Variants in UST observed in about 807,000 individuals in gnomAD.
UST encodes the protein uronyl 2-sulfotransferase.
A neutral mutation model predicts 45.6 loss-of-function variants in UST; 21 were observed. The ratio of observed to expected loss-of-function variants is 0.46; its 90% CI spans 0.33 to 0.66. The LOEUF (loss-of-function observed/expected upper bound fraction) is 0.66. UST is among the 30% of genes least tolerant of loss of function. UST has a pLI of 0.02. For missense variants in UST, 463 were observed against 512.4 expected, an observed-to-expected ratio of 0.90 and a Z score of 0.93; for synonymous variants, 215 against 200.6, an observed-to-expected ratio of 1.07 and a Z score of -0.61.
chr6:148,922,552 G>A (rs1483270660), intron 2 of UST, among the ~76,000 whole-genome samples: 3 of 146,926 alleles, frequency 2.0e-5, no homozygotes, highest in Non-Finnish European at 3.0e-5. Flanking sequence ...GCAGTGGCAC[G>A]ATCTCAGCTC....
chr6:148,829,676 C>T (rs1369155957), intron 1 of UST, among the ~76,000 whole-genome samples: 1 of 152,086 alleles, frequency 6.6e-6, no homozygotes, highest in Non-Finnish European at 1.5e-5. Context: ...TATTTTTACC[C>T]TCGGTTTGTT....
intron 3 of UST, among the ~76,000 whole-genome samples, chr6:148,948,653 CT>C (rs1347506121): frequency 6.6e-6 from 1 of 152,078 alleles, no homozygotes; most frequent in Non-Finnish European, 1.5e-5. Context: ...CATTTTAAAG[CT>C]TTTATTTTTG....
Position 148,964,542 on chromosome 6 carries a change from G to A in UST, c.660G>A (p.Met220Ile), listed in dbSNP as rs1780740688. The stretch of plus-strand genomic sequence containing the variant: ...ATCACATGATCCGCACCCCCAGCAT[G>A]AGGCAGGAGGAGCGCTACCTGGTAA... ...EQNHMIRTPSMRQEERYLDIN... is the reference protein window; with the variant it reads ...EQNHMIRTPSIRQEERYLDIN... The change falls in exon 5 of 8, where the codon ATG (methionine) becomes ATA (isoleucine). Residue 220 changes from methionine (M) to isoleucine (I), a missense_variant. Around this residue, in one of 2 missense-constraint regions of UST, gnomAD observed 287 missense variants for 374.2 expected, o/e 0.77. Transcript: ENST00000367463. 6 of 1,613,770 alleles carry A rather than the reference G, an allele frequency of 3.7e-6. No homozygotes were observed. Among genetic ancestry groups the A allele is most frequent in the South Asian group, 3.3e-5 (3 of 91,074 alleles).
intron 1 of UST, among the ~76,000 whole-genome samples, chr6:148,809,324 T>G (rs966511288): frequency 3.0e-4 from 46 of 151,722 alleles, no homozygotes; most frequent in Non-Finnish European, 5.3e-4. Flanking sequence ...GTTTTTTGTT[T>G]TTTTTTTTTT....
intron 1 of UST, among the ~76,000 whole-genome samples, chr6:148,764,305 G>A (rs78217176): frequency 0.32 from 48,907 of 151,966 alleles, 8,015 homozygotes; most frequent in African/African-American, 0.35. Flanking sequence ...AACATTATTG[G>A]TGTATAGAAA....
At chr6:148,815,215 G>T (rs1216325849) in intron 1 of UST, among the ~76,000 whole-genome samples, 2 of 152,202 alleles carry the variant, frequency 1.3e-5, no homozygotes, top group East Asian at 1.9e-4. Context: ...GAATATGCTT[G>T]TTTGCTTAAA....
chr6:148,972,674 C>A (rs1780940957), intron 5 of UST, among the ~76,000 whole-genome samples: 1 of 152,242 alleles, frequency 6.6e-6, no homozygotes, highest in South Asian at 2.1e-4. Flanking sequence ...TGAGCCCCGC[C>A]CCTCGCTGTG....
chr6:148,992,508 G>GC (rs1218602630), intron 5 of UST, among the ~76,000 whole-genome samples: 7 of 152,110 alleles, frequency 4.6e-5, no homozygotes, highest in African/African-American at 1.7e-4. Flanking sequence ...TTAGAGTCCT[G>GC]CCGGGGGTCT....
chr6:148,944,927 C>CA (rs1253685236), intron 3 of UST, among the ~76,000 whole-genome samples: 1 of 151,824 alleles, frequency 6.6e-6, no homozygotes, highest in African/African-American at 2.4e-5. Context: ...ATGTGATTGC[C>CA]AAAAAAACAC....
rs953323722 is a variant in UST, at chr6:148,747,129, G to A, written c.-302G>A. ...GGCGAGCCCCGGCGGCCGCAAGCGA[G>A]CCCGAGGCGCGGCGGGGCGCGGGGC... On this transcript the variant is annotated 5_prime_UTR_variant, in exon 1 of 8. Coordinates refer to ENST00000367463, the MANE Select transcript of UST (RefSeq NM_005715.3). 8.6e-4 allele frequency among the ~76,000 whole-genome samples: 129 copies of A among 150,228 alleles called. 3 individuals carry two copies. The East Asian group carries it at 0.022, about 26-fold the overall frequency.
At chr6:148,979,555 T>C (rs186120454) in intron 5 of UST, among the ~76,000 whole-genome samples, 1 of 152,338 alleles carries the variant, frequency 6.6e-6, no homozygotes, top group East Asian at 1.9e-4. Context: ...GGGAGAAATC[T>C]TTGACTAAGA....
At chr6:148,761,352 G>C (rs991635946) in intron 1 of UST, among the ~76,000 whole-genome samples, 9 of 152,226 alleles carry the variant, frequency 5.9e-5, no homozygotes, top group African/African-American at 2.2e-4. Flanking sequence ...AAGCTTAGGG[G>C]AGAAGGAACT....
chr6:149,034,468 C>A (rs4266511), intron 7 of UST, among the ~76,000 whole-genome samples: 13 of 137,958 alleles, frequency 9.4e-5, no homozygotes, highest in African/African-American at 2.9e-4. Context: ...CTCCCTTCCC[C>A]CAGAGGCCCT....
At chr6:148,990,845 G>A (rs560866566) in intron 5 of UST, among the ~76,000 whole-genome samples, 10 of 152,308 alleles carry the variant, frequency 6.6e-5, no homozygotes, top group Admixed American at 2.0e-4. Context: ...GGAACTAGAA[G>A]TGGAAAGAGC....
At chr6:148,938,231 G>A (rs1166143317) in intron 2 of UST, among the ~76,000 whole-genome samples, 6 of 152,202 alleles carry the variant, frequency 3.9e-5, no homozygotes, top group Non-Finnish European at 5.9e-5. Context: ...CCTCAGAGCA[G>A]TTAGGGCTCA....
intron 7 of UST, among the ~76,000 whole-genome samples, chr6:149,055,663 C>T (rs761733051): frequency 6.6e-6 from 1 of 152,192 alleles, no homozygotes; most frequent in Non-Finnish European, 1.5e-5. Context: ...TTCTAATTCA[C>T]ATAATGGCCT....
intron 1 of UST, among the ~76,000 whole-genome samples, chr6:148,842,873 C>G (rs1466154880): frequency 6.6e-6 from 1 of 152,130 alleles, no homozygotes; most frequent in South Asian, 2.1e-4. Context: ...TTACAAACCA[C>G]TCTGTCGCGG....
intron 7 of UST, among the ~76,000 whole-genome samples, chr6:149,043,025 C>CTTTCTTTCTT (rs1776345684): frequency 2.0e-5 from 2 of 101,252 alleles, no homozygotes; most frequent in African/African-American, 1.0e-4. Context: ...CTTTCTTTTT[C>CTTTCTTTCTT]TTTCTTTCTT....
chr6:148,846,465 G>T (rs941354594), intron 1 of UST, among the ~76,000 whole-genome samples: 1 of 151,926 alleles, frequency 6.6e-6, no homozygotes, highest in Non-Finnish European at 1.5e-5. Flanking sequence ...GGGGAGGGGG[G>T]AAGGATAGCA....
Sources: allele counts gnomAD v4.1 joint callset (sites outside exome capture counted in the v4.1 genomes callset), GRCh38; gene constraint gnomAD v4.1.1; regional missense constraint gnomAD v4.1.1; transcripts MANE v1.5; gene names NCBI Gene and HGNC (gene_info 2026-07-23, HGNC 2026-07-21).